Variants in ASIC5 observed in about 807,000 individuals in gnomAD.
ASIC5 encodes the protein acid sensing ion channel subunit family member 5, also known as bile acid-sensitive ion channel.
In ASIC5, 52 loss-of-function variants were observed where a neutral mutation model predicts 51.2. The observed-to-expected ratio is 1.02, with a 90% CI of 0.81 to 1.28. The LOEUF (loss-of-function observed/expected upper bound fraction) is 1.28. ASIC5 is among the 50% of genes most tolerant of loss of function. The pLI is 0.00. For missense variants in ASIC5, 635 were observed against 595.0 expected, an observed-to-expected ratio of 1.07 and a Z score of -0.70; for synonymous variants, 231 against 200.7, an observed-to-expected ratio of 1.15 and a Z score of -1.28.
intron 2 of ASIC5, among the ~76,000 whole-genome samples, chr4:155,859,623 G>A (rs1240519503): frequency 2.0e-5 from 3 of 152,010 alleles, no homozygotes; most frequent in East Asian, 1.9e-4. Context: ...AAATTACAGT[G>A]TTAAGCTTTA....
intron 4 of ASIC5, among the ~76,000 whole-genome samples, chr4:155,845,122 T>C (rs1216926904): frequency 6.6e-6 from 1 of 152,110 alleles, no homozygotes; most frequent in Non-Finnish European, 1.5e-5. Context: ...TTTTTTATTT[T>C]GACTACTAAA....
At chr4:155,865,191 G>A (rs989653329) in intron 1 of ASIC5, 1 of 151,780 alleles carries the variant, frequency 6.6e-6, no homozygotes, top group Non-Finnish European at 1.5e-5. Context: ...TCACTAAGCA[G>A]GATAGCTTGT....
intron 2 of ASIC5, among the ~76,000 whole-genome samples, chr4:155,860,317 T>C (rs1741668850): frequency 6.6e-6 from 1 of 151,848 alleles, no homozygotes. Flanking sequence ...CTCCTAAAAA[T>C]AATAAATAAA....
At chr4:155,865,808 A>G (rs1204071346) in intron 1 of ASIC5, among the ~76,000 whole-genome samples, 1 of 152,174 alleles carries the variant, frequency 6.6e-6, no homozygotes, top group African/African-American at 2.4e-5. Context: ...ATACAGTGTC[A>G]TTATGACAAC....
intron 6 of ASIC5, among the ~76,000 whole-genome samples, chr4:155,841,663 A>G (rs1741123768): frequency 6.6e-6 from 1 of 152,202 alleles, no homozygotes; most frequent in Non-Finnish European, 1.5e-5. Context: ...AGGCTTGGTA[A>G]GACATATCCA....
intron 8 of ASIC5, among the ~76,000 whole-genome samples, chr4:155,835,566 A>G (rs867760807): frequency 4.6e-5 from 7 of 151,978 alleles, no homozygotes; most frequent in Non-Finnish European, 7.3e-5. Context: ...TCTATCAACC[A>G]AAAGACACAG....
intron 2 of ASIC5, among the ~76,000 whole-genome samples, chr4:155,861,617 A>G (rs1258126467): frequency 6.6e-6 from 1 of 152,036 alleles, no homozygotes; most frequent in Non-Finnish European, 1.5e-5. Context: ...AAAAAAATCC[A>G]TTCTGATAAC....
chr4:155,832,365 T>C (rs1740888789), intron 8 of ASIC5, among the ~76,000 whole-genome samples: 1 of 152,170 alleles, frequency 6.6e-6, no homozygotes. Context: ...ATTATGTATA[T>C]GCAAAATGGA....
rs34893097 is a variant in ASIC5, at chr4:155,838,308, C to CA, written c.1066+504dup. On this transcript the variant is annotated intron_variant, in intron 7 of 9. Transcript: ENST00000537611. ...CAGGTTAAGGTAAGAGGTGTGAAAG[C>CA]AAAAAAAAGAGGGGGCTCTTTAATA... Among the ~76,000 whole-genome samples the CA allele has an allele frequency of 2.5e-3, 376 of 150,616 alleles. 3 individuals are homozygous for CA. The highest frequency in any genetic ancestry group is 8.1e-3 in the African/African-American group (331 of 41,100).
intron 3 of ASIC5, among the ~76,000 whole-genome samples, chr4:155,853,858 C>A (rs985453145): frequency 6.6e-6 from 1 of 151,820 alleles, no homozygotes; most frequent in Non-Finnish European, 1.5e-5. Flanking sequence ...ATCAAGTTTT[C>A]TCTTTTCTAT....
chr4:155,830,021 T>C lies in ASIC5; in HGVS notation c.1353A>G (p.Leu451=). The C allele has an allele frequency of 5.8e-6, 9 of 1,563,896 alleles. No homozygotes were observed. The highest frequency in any genetic ancestry group is 1.4e-5 in the African/African-American group (1 of 71,944). ...LLADLGGQLG[L]FCGASLITII... is the part of the protein sequence containing the mutation. Reference sequence around the variant, plus strand: ...TCGTGATCAGACTGGCCCCACAAAATAGACCCAGCTGACCACCAAGATCTG... The same window carrying C: ...TCGTGATCAGACTGGCCCCACAAAACAGACCCAGCTGACCACCAAGATCTG... Residue 451 remains leucine (L), a synonymous_variant, in exon 10 of 10, where the codon CTA becomes CTG. Coordinates refer to ENST00000537611, the MANE Select transcript of ASIC5 (RefSeq NM_017419.3).
intron 2 of ASIC5, among the ~76,000 whole-genome samples, chr4:155,860,105 T>G (rs1212668962): frequency 6.6e-6 from 1 of 152,012 alleles, no homozygotes; most frequent in African/African-American, 2.4e-5. Context: ...TTGGGTTATT[T>G]GAATATAATC....
chr4:155,833,645 A>T (rs1740918586), intron 8 of ASIC5, among the ~76,000 whole-genome samples: 1 of 152,188 alleles, frequency 6.6e-6, no homozygotes, highest in Non-Finnish European at 1.5e-5. Context: ...TTTGTCCCCC[A>T]TTGTGCTCCT....
chr4:155,834,580 T>C (rs1283623835), intron 8 of ASIC5, among the ~76,000 whole-genome samples: 1 of 152,148 alleles, frequency 6.6e-6, no homozygotes, highest in Non-Finnish European at 1.5e-5. Flanking sequence ...GTACATTATG[T>C]GATAGGATTA....
Position 155,843,754 on chromosome 4 carries a change from A to AT in ASIC5, c.787_788insA (p.Val263AspfsTer5), listed in dbSNP as rs778377869. The AT allele has an allele frequency of 1.2e-6, 2 of 1,613,668 alleles. No homozygotes were observed. The highest frequency in any genetic ancestry group is 4.5e-5 in the East Asian group (2 of 44,846). ...CAAGCCTAACCCATCAAACTGTGGC[A>AT]CCTTCTTTGGTGAATGGATAACAAA... is the stretch of plus-strand genomic sequence containing the variant. On this transcript the variant is annotated frameshift_variant, in exon 5 of 10. Coordinates refer to ENST00000537611, the MANE Select transcript of ASIC5 (RefSeq NM_017419.3). LOFTEE classifies it high-confidence loss of function.
chr4:155,842,176 TTAAGTA>T, intron 6 of ASIC5, 25 bp downstream of exon 6: 1 of 1,606,012 alleles, frequency 6.2e-7, no homozygotes, highest in Non-Finnish European at 8.5e-7. Flanking sequence ...AACTGTCTAG[TTAAGTA>T]AGGGGGCAGT....
chr4:155,831,296 T>A (rs1185115809), intron 9 of ASIC5, among the ~76,000 whole-genome samples: 1 of 152,164 alleles, frequency 6.6e-6, no homozygotes, highest in African/African-American at 2.4e-5. Flanking sequence ...GAGTAGGAGA[T>A]GAAACACCAC....
At position 155,854,161 on chromosome 4, in the gene ASIC5, C is replaced by T. The variant is rs1741462341; in HGVS notation, c.501G>A (p.Val167=). The change falls in exon 3 of 10, where the codon GTG becomes GTA. Residue 167 remains valine, a synonymous_variant. Coordinates refer to ENST00000537611, the MANE Select transcript of ASIC5 (RefSeq NM_017419.3). The part of the protein sequence containing the change: ...FAASHQNFSI[V]EFIRNKGFYL... Reference sequence around the variant, plus strand: ...AAAAACCTTTGTTCCTGATAAATTCCACAATGCTGAAGTTTTGGTGACTTG... The same window carrying T: ...AAAAACCTTTGTTCCTGATAAATTCTACAATGCTGAAGTTTTGGTGACTTG... 6.2e-7 allele frequency: 1 copy of T among 1,613,266 alleles called. No homozygotes were observed. Among genetic ancestry groups the T allele is most frequent in the Admixed American group, 1.7e-5 (1 of 59,858 alleles).
intron 8 of ASIC5, among the ~76,000 whole-genome samples, chr4:155,835,412 GA>G (rs11304781): frequency 0.87 from 121,203 of 139,108 alleles, 52,843 homozygotes; most frequent in Non-Finnish European, 0.91. Flanking sequence ...CTGAGTTTTG[GA>G]AAAAAAAAAA....
Sources: gnomAD v4.1 joint callset for allele counts (sites outside exome capture counted in the v4.1 genomes callset) on GRCh38, gnomAD v4.1.1 for gene constraint, MANE v1.5 for transcripts, NCBI Gene and HGNC (gene_info 2026-07-23, HGNC 2026-07-21) for gene names.